Variants in DCAF11 observed in about 807,000 individuals in gnomAD.
DCAF11 encodes the protein DDB1- and CUL4-associated factor 11.
DCAF11 carries 44 observed loss-of-function variants against 76.1 expected under a neutral mutation model. That is an observed-to-expected ratio of 0.58 (90% CI 0.45 to 0.74). The LOEUF is 0.74. Among genes scored for constraint, DCAF11 ranks in the 30% least tolerant of loss-of-function variants. The probability of loss-of-function intolerance (pLI) is 0.00; values close to 1 mark genes in which losing one functional copy is unlikely to be tolerated. For missense variants in DCAF11, 604 were observed against 709.4 expected, an observed-to-expected ratio of 0.85 and a Z score of 1.69; for synonymous variants, 258 against 255.0, an observed-to-expected ratio of 1.01 and a Z score of -0.11.
chr14:24,120,909 C>T lies in DCAF11; in HGVS notation c.1164C>T (p.Ser388=), dbSNP rs2037679109. The stretch of plus-strand genomic sequence containing the variant: ...AACTCTGGGATATCCGACGCTTTTC[C>T]AGCCGGGAAGGCATGGAAGCTTCAC... ...TIKLWDIRRF[S]SREGMEASRQ... is the part of the protein sequence containing the mutation. The change falls in exon 12 of 15, where the codon TCC becomes TCT. Residue 388 remains serine (S), a synonymous_variant. Coordinates refer to ENST00000446197, the MANE Select transcript of DCAF11 (RefSeq NM_025230.5). 2.5e-6 allele frequency: 4 copies of T among 1,614,076 alleles called. No homozygotes were observed. The South Asian group carries it at 3.3e-5, about 13-fold the overall frequency.
intron 13 of DCAF11, among the ~76,000 whole-genome samples, 191 bp from the exon 14 acceptor site, chr14:24,122,780 C>T (rs955458196): frequency 6.6e-6 from 1 of 152,194 alleles, no homozygotes; most frequent in African/African-American, 2.4e-5. Context: ...CTAAACCATA[C>T]CCTCAACCCA....
At chr14:24,121,684 A>T in intron 13 of DCAF11, 167 bp downstream of exon 13, 1 of 730,294 alleles carries the variant, frequency 1.4e-6, no homozygotes, top group Non-Finnish European at 2.1e-6. Flanking sequence ...TCTATTTTTC[A>T]GTGTTTTAAA....
chr14:24,120,757 C>A, intron 11 of DCAF11, 81 bp from the exon 12 acceptor site: 2 of 1,545,856 alleles, frequency 1.3e-6, no homozygotes, highest in Non-Finnish European at 1.8e-6. Flanking sequence ...TTCTTCTGCT[C>A]AACTAGAGAA....
At position 24,117,495 on chromosome 14, in the gene DCAF11, C is replaced by T. The variant is rs2037604628; in HGVS notation, c.411+102C>T. The T allele has an allele frequency of 1.3e-6, 2 of 1,569,948 alleles. No individual in the cohort carries two copies. Among genetic ancestry groups the T allele is most frequent in the South Asian group, 2.3e-5 (2 of 85,848 alleles). On this transcript the variant is annotated intron_variant, in intron 4 of 14. Coordinates refer to ENST00000446197, the MANE Select transcript of DCAF11 (RefSeq NM_025230.5). This position sits in a 1 kb window ranked among gnomAD's most constrained non-coding sequence, Gnocchi z 4.3. ...GAAGTCAACTTTCCAAAGTAGAAGC[C>T]TCAAGCGCTGGGGCTGGAGAGTTAA...
In DCAF11 at chr14:24,123,522, CTATCTCT is replaced by C. The variant is rs2037731034; in HGVS notation, c.*214_*220del. ...GCTCACACCCAGTCAGCTTGGGTCC[CTATCTCT>C]GGCCAGAGTTTGGCAGGACTGCCAT... On this transcript the variant is annotated 3_prime_UTR_variant, in exon 15 of 15. Coordinates refer to ENST00000446197, the MANE Select transcript of DCAF11 (RefSeq NM_025230.5). 1.5e-6 allele frequency: 1 copy of C among 645,812 alleles called. No homozygotes were observed. Among genetic ancestry groups the C allele is most frequent in the Non-Finnish European group, 2.3e-6 (1 of 437,212 alleles). The allele number at this position is 645,812 out of a possible 1,614,324, so 40.0% of individuals were successfully genotyped here.
At chr14:24,120,702 G>A in intron 11 of DCAF11, 136 bp from the exon 12 acceptor site, 1 of 1,120,786 alleles carries the variant, frequency 8.9e-7, no homozygotes, top group Non-Finnish European at 1.3e-6. Flanking sequence ...CGCTGGAAAT[G>A]AGTTCACCTG....
intron 2 of DCAF11, 68 bp downstream of exon 2, chr14:24,115,817 G>C: frequency 6.5e-7 from 1 of 1,549,322 alleles, no homozygotes. Flanking sequence ...CTCCAGGCAG[G>C]AAAATTACAG....
At chr14:24,122,523 A>C (rs1256132044) in intron 13 of DCAF11, among the ~76,000 whole-genome samples, 5 of 151,522 alleles carry the variant, frequency 3.3e-5, no homozygotes, top group Non-Finnish European at 7.4e-5. Context: ...GAAAAAAAAA[A>C]CCAGAAGCAC....
In DCAF11 at chr14:24,117,636, G is replaced by T. The variant is rs2037607220; in HGVS notation, c.412-32G>T. 6.2e-7 allele frequency: 1 copy of T among 1,606,992 alleles called. No homozygotes were observed. The highest frequency in any genetic ancestry group is 8.5e-7 in the Non-Finnish European group (1 of 1,174,616). On this transcript the variant is annotated intron_variant, in intron 4 of 14. Coordinates refer to ENST00000446197, the MANE Select transcript of DCAF11 (RefSeq NM_025230.5). The surrounding 1 kb of genome is among the most constrained non-coding windows in gnomAD (Gnocchi z 4.3). Reference sequence around the variant, plus strand: ...ATGGCTGAAGTGGCCCTCTATTTCTGCTAGCAATATTCCCCAATCCCTTCC... The same window carrying T: ...ATGGCTGAAGTGGCCCTCTATTTCTTCTAGCAATATTCCCCAATCCCTTCC...
Position 24,115,561 on chromosome 14 carries a change from C to G in DCAF11, c.-34C>G. 6.3e-7 allele frequency: 1 copy of G among 1,582,474 alleles called. No individual in the cohort carries two copies. Among genetic ancestry groups the G allele is most frequent in the Non-Finnish European group, 8.6e-7 (1 of 1,164,602 alleles). Reference sequence around the variant, plus strand: ...ACCCAAGGAGGTGACAGGAGGAGCCCCCGCACAGGACCTAAGAATGCTGTG... The same window carrying G: ...ACCCAAGGAGGTGACAGGAGGAGCCGCCGCACAGGACCTAAGAATGCTGTG... On this transcript the variant is annotated 5_prime_UTR_variant, in exon 2 of 15. Transcript: ENST00000446197.
Position 24,118,042 on chromosome 14 carries a change from T to C in DCAF11, c.477-13T>C. 6.3e-7 allele frequency: 1 copy of C among 1,592,554 alleles called. No individual in the cohort carries two copies. Among genetic ancestry groups the C allele is most frequent in the Non-Finnish European group, 8.6e-7 (1 of 1,166,820 alleles). On this transcript the variant is annotated splice_polypyrimidine_tract_variant and intron_variant, in intron 5 of 14. Transcript: ENST00000446197. ...GAGCACCCCTCACCCTCACTTTCTC[T>C]CTCCTTCCCTAGCTTCTTGCCCAAT... is the stretch of plus-strand genomic sequence containing the variant.
intron 9 of DCAF11, 96 bp downstream of exon 9, chr14:24,119,309 A>G (rs2037645890): frequency 6.7e-7 from 1 of 1,483,008 alleles, no homozygotes; most frequent in Admixed American, 1.7e-5. Flanking sequence ...GCAGCTGCAG[A>G]GAACAACCAG....
intron 12 of DCAF11, 111 bp from the exon 13 acceptor site, chr14:24,121,254 A>G: frequency 7.0e-7 from 1 of 1,421,788 alleles, no homozygotes; most frequent in Non-Finnish European, 9.7e-7. Context: ...CACCACTTGA[A>G]GATTGGAAAG....
chr14:24,116,685 AG>A (rs575772816), intron 2 of DCAF11, among the ~76,000 whole-genome samples: 167 of 152,292 alleles, frequency 1.1e-3, no homozygotes, highest in Admixed American at 3.6e-3. Context: ...GCTCGCTGGG[AG>A]GTCAACTTAG....
rs1242823068 is a variant in DCAF11, at chr14:24,117,654, T to C, written c.412-14T>C. 2 of 1,613,420 alleles carry C rather than the reference T, an allele frequency of 1.2e-6. No individual in the cohort carries two copies. The highest frequency in any genetic ancestry group is 1.1e-5 in the South Asian group (1 of 91,028). On this transcript the variant is annotated splice_polypyrimidine_tract_variant and intron_variant, in intron 4 of 14. Coordinates refer to ENST00000446197, the MANE Select transcript of DCAF11 (RefSeq NM_025230.5). The surrounding 1 kb of genome is among the most constrained non-coding windows in gnomAD (Gnocchi z 4.3). ...TATTTCTGCTAGCAATATTCCCCAA[T>C]CCCTTCCATTTAGAGAGAACGGGGC...
At chr14:24,120,389 T>C (rs2037668915) in intron 11 of DCAF11, among the ~76,000 whole-genome samples, 2 of 151,990 alleles carry the variant, frequency 1.3e-5, no homozygotes, top group African/African-American at 4.8e-5. Flanking sequence ...ACCCCGTCTC[T>C]ACTAAACATA....
At chr14:24,116,054 G>A (rs1208275073) in intron 2 of DCAF11, among the ~76,000 whole-genome samples, 1 of 151,616 alleles carries the variant, frequency 6.6e-6, no homozygotes, top group African/African-American at 2.4e-5. Context: ...AAAAAAAAAG[G>A]GGGGGGTCCT....
Position 24,120,588 on chromosome 14 carries a change from AAG to A in DCAF11, c.1093-248_1093-247del, listed in dbSNP as rs2037672292. ...AAATTAGTTAATTAAAAATTAAAAAAAGAAAAATGGAAGACAATCTGATTAAG... is the reference window on the plus strand; with the variant it reads ...AAATTAGTTAATTAAAAATTAAAAAAAAAAATGGAAGACAATCTGATTAAG... On this transcript the variant is annotated intron_variant, in intron 11 of 14. Transcript: ENST00000446197. Among the ~76,000 whole-genome samples, 3 of 152,320 alleles carry A rather than the reference AAG, an allele frequency of 2.0e-5. No homozygotes were observed. The South Asian group carries it at 6.2e-4, about 32-fold the overall frequency.
At position 24,123,205 on chromosome 14, in the gene DCAF11, C is replaced by T. The variant is rs149432550; in HGVS notation, c.1537C>T (p.Arg513Cys). ...CGGGAACCTGCGTCTGTGGCAGTACCGCCAGGCTGAGTACTTCCAGGATGA... is the reference window on the plus strand; with the variant it reads ...CGGGAACCTGCGTCTGTGGCAGTACTGCCAGGCTGAGTACTTCCAGGATGA... ...WDGNLRLWQY[R>C]QAEYFQDDMP... Residue 513 changes from arginine to cysteine, a missense_variant, in exon 15 of 15, where the codon CGC (arginine) becomes TGC (cysteine). Coordinates refer to ENST00000446197, the MANE Select transcript of DCAF11 (RefSeq NM_025230.5). The T allele has an allele frequency of 5.6e-6, 9 of 1,599,968 alleles. No homozygotes were observed. Among genetic ancestry groups the T allele is most frequent in the African/African-American group, 1.3e-5 (1 of 74,742 alleles).
Sources: gnomAD v4.1 joint callset for allele counts (sites outside exome capture counted in the v4.1 genomes callset) on GRCh38, gnomAD v4.1.1 for gene constraint, Gnocchi (gnomAD v3.1) non-coding constraint, MANE v1.5 for transcripts, NCBI Gene and HGNC (gene_info 2026-07-23, HGNC 2026-07-21) for gene names.